CAMK1D: variants seen among roughly 807,000 people sequenced by gnomAD.
CAMK1D encodes the protein calcium/calmodulin-dependent protein kinase type 1D.
In CAMK1D, 9 loss-of-function variants were observed where a neutral mutation model predicts 47.7. That is an observed-to-expected ratio of 0.19 (90% CI 0.11 to 0.33). The LOEUF is 0.33. Among genes scored for constraint, CAMK1D ranks in the 10% least tolerant of loss-of-function variants. The pLI, the probability that CAMK1D is intolerant of heterozygous loss-of-function variation, is 1.00. For synonymous variants in CAMK1D, 184 were observed against 184.9 expected (o/e 0.99, Z 0.04); for missense variants, 291 against 488.7 (o/e 0.60, Z 3.81).
At chr10:12,543,598 A>T (rs749702183) in intron 1 of CAMK1D, among the ~76,000 whole-genome samples, 2 of 152,190 alleles carry the variant, frequency 1.3e-5, no homozygotes, top group Non-Finnish European at 2.9e-5. Context: ...ACTGGTAGGT[A>T]CATGTCTATC....
intron 1 of CAMK1D, among the ~76,000 whole-genome samples, chr10:12,370,335 A>G (rs201913299): frequency 3.1e-5 from 4 of 127,254 alleles, no homozygotes; most frequent in Non-Finnish European, 1.8e-5. Context: ...GATAATAAAC[A>G]ATGATGTTAC....
intron 2 of CAMK1D, among the ~76,000 whole-genome samples, chr10:12,602,606 T>G (rs1332267568): frequency 6.6e-6 from 1 of 152,194 alleles, no homozygotes; most frequent in African/African-American, 2.4e-5. Flanking sequence ...AGATCCATTT[T>G]ATCTGCTGTG....
intron 6 of CAMK1D, among the ~76,000 whole-genome samples, chr10:12,794,346 G>A (rs1588936805): frequency 6.6e-6 from 1 of 152,236 alleles, no homozygotes. Flanking sequence ...TGGTGATTTA[G>A]GAAGGGGGGT....
intron 1 of CAMK1D, among the ~76,000 whole-genome samples, chr10:12,455,594 G>A (rs1312673349): frequency 1.3e-5 from 2 of 152,168 alleles, no homozygotes; most frequent in Non-Finnish European, 2.9e-5. Context: ...TGTAAAAGTT[G>A]TTCGTTTTTT....
intron 2 of CAMK1D, among the ~76,000 whole-genome samples, chr10:12,599,436 C>G (rs535622207): frequency 7.9e-4 from 120 of 152,236 alleles, no homozygotes; most frequent in Non-Finnish European, 1.5e-3. Context: ...GTGTTGTGAC[C>G]TCATCGTGCC....
At chr10:12,353,438 C>G (rs1837409177) in intron 1 of CAMK1D, among the ~76,000 whole-genome samples, 1 of 152,286 alleles carries the variant, frequency 6.6e-6, no homozygotes, top group South Asian at 2.1e-4. Flanking sequence ...CTGCCTTATC[C>G]AGGTATCTCA....
At chr10:12,749,276 CA>C (rs1183072202) in intron 3 of CAMK1D, among the ~76,000 whole-genome samples, 3 of 151,790 alleles carry the variant, frequency 2.0e-5, no homozygotes, top group Admixed American at 6.6e-5. Context: ...AAATCTTTGT[CA>C]TTTTTTTTAA....
chr10:12,580,206 G>T (rs1490796114), intron 2 of CAMK1D, among the ~76,000 whole-genome samples: 1 of 152,120 alleles, frequency 6.6e-6, no homozygotes, highest in Non-Finnish European at 1.5e-5. Flanking sequence ...CCTGTCTTGA[G>T]ATAATTCTTA....
At chr10:12,644,027 C>T (rs1839748751) in intron 2 of CAMK1D, among the ~76,000 whole-genome samples, 1 of 152,114 alleles carries the variant, frequency 6.6e-6, no homozygotes, top group Non-Finnish European at 1.5e-5. Flanking sequence ...TTTCATTATA[C>T]ATTACAATGT....
chr10:12,350,679 G>A lies in CAMK1D; in HGVS notation c.92+769G>A, dbSNP rs183578233. On this transcript the variant is annotated intron_variant, in intron 1 of 10. Coordinates refer to ENST00000619168, the MANE Select transcript of CAMK1D (RefSeq NM_153498.4). ...CTCCAAGCATGTGCTGCTCAGCTCA[G>A]CTGCTGTTCCCTTTCTGCCCAGGAG... Among the ~76,000 whole-genome samples the A allele has an allele frequency of 6.0e-4, 92 of 152,376 alleles. 1 individual carries two copies. Among genetic ancestry groups the A allele is most frequent in the Middle Eastern group, 3.4e-3 (1 of 294 alleles).
chr10:12,376,935 A>G (rs898006208), intron 1 of CAMK1D, among the ~76,000 whole-genome samples: 1 of 151,596 alleles, frequency 6.6e-6, no homozygotes, highest in Non-Finnish European at 1.5e-5. Context: ...TAATTTTTGT[A>G]TTTTTAGTAG....
chr10:12,570,675 C>A (rs1837295493), intron 2 of CAMK1D, among the ~76,000 whole-genome samples: 1 of 109,584 alleles, frequency 9.1e-6, no homozygotes, highest in African/African-American at 4.3e-5. Flanking sequence ...AGTGAAACTC[C>A]ATCTCAAAAA....
chr10:12,795,661 T>C (rs1005119156), intron 6 of CAMK1D, among the ~76,000 whole-genome samples: 1 of 152,220 alleles, frequency 6.6e-6, no homozygotes, highest in African/African-American at 2.4e-5. Flanking sequence ...CACCGAGTTT[T>C]CTCCTCTTGC....
At chr10:12,420,471 C>G (rs1287424934) in intron 1 of CAMK1D, among the ~76,000 whole-genome samples, 4 of 152,216 alleles carry the variant, frequency 2.6e-5, no homozygotes, top group South Asian at 2.1e-4. Flanking sequence ...GATTTTATGG[C>G]TTAGTAAGAT....
At chr10:12,429,275 C>T (rs1160741130) in intron 1 of CAMK1D, among the ~76,000 whole-genome samples, 3 of 152,162 alleles carry the variant, frequency 2.0e-5, no homozygotes, top group Non-Finnish European at 2.9e-5. Context: ...GTGAATGCCA[C>T]CTCCTCCAGG....
Position 12,433,835 on chromosome 10 carries a change from GGTTAT to G in CAMK1D, c.92+83930_92+83934del, listed in dbSNP as rs566747014. On this transcript the variant is annotated intron_variant, in intron 1 of 10. Transcript: ENST00000619168. ...TTTGCCAAACCCTCACTTTGTAAAGGGTTATGTTAAGAGTCCTAACATACACAGAC... is the reference window on the plus strand; with the variant it reads ...TTTGCCAAACCCTCACTTTGTAAAGGGTTAAGAGTCCTAACATACACAGAC... Among the ~76,000 whole-genome samples the G allele has an allele frequency of 1.1e-4, 16 of 152,290 alleles. No homozygotes were observed. In the South Asian group the frequency reaches 2.9e-3, roughly 28 times the overall value.
At chr10:12,771,582 A>G (rs1837042058) in intron 5 of CAMK1D, among the ~76,000 whole-genome samples, 1 of 152,142 alleles carries the variant, frequency 6.6e-6, no homozygotes, top group Non-Finnish European at 1.5e-5. Context: ...AAATAAGGGG[A>G]AGGGAAAGAA....
At chr10:12,794,676 C>G (rs1929386) in intron 6 of CAMK1D, among the ~76,000 whole-genome samples, 79,836 of 151,714 alleles carry the variant, frequency 0.53, 22,317 homozygotes, top group African/African-American at 0.73. Flanking sequence ...TTTCATGACA[C>G]TGTCAGACTT....
At chr10:12,751,111 GATAAGATAAGATA>G (rs1564535518) in intron 3 of CAMK1D, among the ~76,000 whole-genome samples, 1 of 105,100 alleles carries the variant, frequency 9.5e-6, no homozygotes, top group Non-Finnish European at 2.0e-5. Flanking sequence ...GATAAGATAA[GATAAGATAAGATA>G]AGAAGGCTTC....
Sources: allele counts gnomAD v4.1 joint callset (sites outside exome capture counted in the v4.1 genomes callset), GRCh38; gene constraint gnomAD v4.1.1; transcripts MANE v1.5; gene names NCBI Gene and HGNC (gene_info 2026-07-23, HGNC 2026-07-21).